PIR: variants seen among roughly 807,000 people sequenced by gnomAD.
PIR encodes the protein pirin (iron-binding nuclear protein).
In PIR, 22 loss-of-function variants were observed where a neutral mutation model predicts 24.2. The observed-to-expected ratio is 0.91, with a 90% CI of 0.65 to 1.30. The LOEUF is 1.30. PIR is among the 50% of genes most tolerant of loss of function. The probability of loss-of-function intolerance (pLI) is 0.00; values close to 1 mark genes in which losing one functional copy is unlikely to be tolerated. For synonymous variants in PIR, 80 were observed against 79.6 expected (o/e 1.00, Z -0.03); for missense variants, 220 against 220.3 (o/e 1.00, Z 0.01).
At chrX:15,385,175 G>A (rs1174362347) in intron 9 of PIR, 59 bp from the exon 10 acceptor site, 1 of 550,821 alleles carries the variant, frequency 1.8e-6, no homozygotes, top group Non-Finnish European at 3.1e-6. Flanking sequence ...TCTACCACTA[G>A]AAATGATATA....
intron 8 of PIR, among the ~76,000 whole-genome samples, chrX:15,393,478 C>A (rs1225159320): frequency 9.0e-6 from 1 of 111,158 alleles, no homozygotes; most frequent in Non-Finnish European, 1.9e-5. Context: ...AGGCCATGGA[C>A]CAGTACCAAT....
At chrX:15,400,784 T>C (rs1362834472) in intron 7 of PIR, among the ~76,000 whole-genome samples, 1 of 93,249 alleles carries the variant, frequency 1.1e-5, no homozygotes, top group Non-Finnish European at 2.2e-5. Context: ...TCTCTCTGTG[T>C]TGCCCAGACT....
chrX:15,425,498 G>A (rs1023246117), intron 6 of PIR, among the ~76,000 whole-genome samples: 18 of 101,847 alleles, frequency 1.8e-4, no homozygotes, highest in Non-Finnish European at 3.3e-4. Flanking sequence ...TGCAACCTCC[G>A]CCTCCCGGGT....
intron 2 of PIR, among the ~76,000 whole-genome samples, chrX:15,490,500 C>T (rs912594040): frequency 8.9e-6 from 1 of 111,834 alleles, no homozygotes; most frequent in Non-Finnish European, 1.9e-5. Context: ...GCTATGACCA[C>T]CATCTGATAC....
Position 15,466,006 on chromosome X carries a change from G to GTTTT in PIR, c.190-6270_190-6267dup, listed in dbSNP as rs200803758. ...TTCCATTTGCTTTAAAATGGTGGCT[G>GTTTT]TTTTTTTTTTTTTTTTTTTTTTGTC... On this transcript the variant is annotated intron_variant, in intron 3 of 9. Coordinates refer to ENST00000380420, the MANE Select transcript of PIR (RefSeq NM_001018109.3). Among the ~76,000 whole-genome samples the GTTTT allele has an allele frequency of 5.7e-3, 359 of 63,079 alleles. 25 individuals carry two copies. The highest frequency in any genetic ancestry group is 0.017 in the African/African-American group (240 of 14,415). The allele number at this position is 63,079 out of a possible 115,157, so 54.8% of individuals were successfully genotyped here. A position where few individuals can be genotyped will look rare whatever the true frequency, so the allele number is the denominator to read the frequency against.
chrX:15,389,378 T>G (rs961559532), intron 9 of PIR, among the ~76,000 whole-genome samples: 1 of 111,757 alleles, frequency 8.9e-6, no homozygotes, highest in African/African-American at 3.2e-5. Context: ...AAAAGAATAT[T>G]TTTAAAGCAA....
At chrX:15,397,933 C>T (rs1240186402) in intron 7 of PIR, among the ~76,000 whole-genome samples, 1 of 111,909 alleles carries the variant, frequency 8.9e-6, no homozygotes, top group Non-Finnish European at 1.9e-5. Flanking sequence ...CACTATGGGA[C>T]AATACAGAGA....
chrX:15,410,124 G>A (rs1924692020), intron 6 of PIR, among the ~76,000 whole-genome samples: 1 of 110,495 alleles, frequency 9.1e-6, no homozygotes, highest in Non-Finnish European at 1.9e-5. Flanking sequence ...GGTGGCACGT[G>A]CCTGTAATCC....
intron 3 of PIR, among the ~76,000 whole-genome samples, chrX:15,463,403 T>C (rs1225110704): frequency 8.9e-6 from 1 of 112,322 alleles, no homozygotes; most frequent in East Asian, 2.8e-4. Context: ...TTGACGTTTT[T>C]ATATTGCAGA....
At chrX:15,387,510 T>A (rs1299127595) in intron 9 of PIR, among the ~76,000 whole-genome samples, 2 of 111,243 alleles carry the variant, frequency 1.8e-5, no homozygotes, top group African/African-American at 6.5e-5. Flanking sequence ...AGAAATTTCA[T>A]CTGGAAATGG....
At chrX:15,417,236 C>T (rs1417729740) in intron 6 of PIR, among the ~76,000 whole-genome samples, 94 of 250 alleles carry the variant, frequency 0.38, no homozygotes, top group Admixed American at 0.5. Context: ...AGGTGTGAGC[C>T]GCAGCGCCAG....
chrX:15,423,999 A>T (rs890373939), intron 6 of PIR, among the ~76,000 whole-genome samples: 1 of 112,285 alleles, frequency 8.9e-6, no homozygotes, highest in Non-Finnish European at 1.9e-5. Context: ...CCATTATGGA[A>T]AGCAGTATGA....
At chrX:15,474,446 T>C (rs1176440942) in intron 3 of PIR, among the ~76,000 whole-genome samples, 1 of 112,645 alleles carries the variant, frequency 8.9e-6, no homozygotes, top group East Asian at 2.8e-4. Flanking sequence ...TCAAGCCATA[T>C]TTAGTTTGCT....
rs1924580439 is a variant in PIR, at chrX:15,407,356, C to T, written c.610+150G>A. Reference sequence around the variant, plus strand: ...AAGCTGAAAGGCACCCTGCCCTGGGCATACCTGTGCTGGGATATAGAGAGG... The same window carrying T: ...AAGCTGAAAGGCACCCTGCCCTGGGTATACCTGTGCTGGGATATAGAGAGG... On this transcript the variant is annotated intron_variant, in intron 7 of 9. Transcript: ENST00000380420. The T allele has an allele frequency of 6.1e-6, 3 of 489,739 alleles. No individual in the cohort carries two copies. In the East Asian group the frequency reaches 1.0e-4, roughly 16 times the overall value. 40.4% of individuals were successfully genotyped at this position (489,739 alleles called of 1,213,427 possible). A position where few individuals can be genotyped will look rare whatever the true frequency, so the allele number is the denominator to read the frequency against.
chrX:15,443,309 C>T (rs758204541), intron 5 of PIR, among the ~76,000 whole-genome samples: 287 of 111,384 alleles, frequency 2.6e-3, no homozygotes, highest in African/African-American at 8.0e-3. Context: ...AAAAATATTC[C>T]TTTAAAAATA....
At chrX:15,395,648 A>G (rs1475418820) in intron 8 of PIR, among the ~76,000 whole-genome samples, 1 of 112,414 alleles carries the variant, frequency 8.9e-6, no homozygotes, top group Non-Finnish European at 1.9e-5. Flanking sequence ...AGAGGGCTTT[A>G]CAAACGTGTC....
chrX:15,476,944 T>C (rs1922227867), intron 3 of PIR, among the ~76,000 whole-genome samples: 1 of 111,794 alleles, frequency 8.9e-6, no homozygotes, highest in Non-Finnish European at 1.9e-5. Context: ...GTTTTTTAAA[T>C]AATATTTTTT....
intron 6 of PIR, among the ~76,000 whole-genome samples, chrX:15,412,946 T>A (rs773381639): frequency 1.8e-5 from 2 of 112,148 alleles, no homozygotes; most frequent in East Asian, 5.6e-4. Context: ...TCTTCAAGCC[T>A]CTTTGCTGGT....
At chrX:15,464,988 C>A (rs763930180) in intron 3 of PIR, among the ~76,000 whole-genome samples, 3 of 112,079 alleles carry the variant, frequency 2.7e-5, no homozygotes, top group Non-Finnish European at 5.6e-5. Context: ...GTGAGTATGA[C>A]TCATTTAAGG....
Sources: gnomAD v4.1 joint callset for allele counts (sites outside exome capture counted in the v4.1 genomes callset) on GRCh38, gnomAD v4.1.1 for gene constraint, MANE v1.5 for transcripts, NCBI Gene and HGNC (gene_info 2026-07-23, HGNC 2026-07-21) for gene names.